The following GSG1L variants were observed in gnomAD, a reference collection of about 807,000 sequenced individuals.
The protein encoded by GSG1L is GSG1 like.
In GSG1L, 24 loss-of-function variants were observed where a neutral mutation model predicts 42.1. That is an observed-to-expected ratio of 0.57 (90% confidence interval 0.41 to 0.80). The LOEUF is 0.80. Ranked by LOEUF, GSG1L falls within the 30% of genes least tolerant of loss-of-function variation. GSG1L has a pLI of 0.00. For synonymous variants in GSG1L, 215 were observed against 203.5 expected (o/e 1.06, Z -0.48); for missense variants, 445 against 472.2 (o/e 0.94, Z 0.53).
At chr16:27,855,406 C>T (rs908591131) in intron 3 of GSG1L, among the ~76,000 whole-genome samples, 5 of 152,112 alleles carry the variant, frequency 3.3e-5, no homozygotes, top group African/African-American at 4.8e-5. Flanking sequence ...AAGCCTGACA[C>T]GGCGCTAAGG....
intron 2 of GSG1L, among the ~76,000 whole-genome samples, chr16:27,943,043 TTTTGTTTGTTTG>T (rs533456550): frequency 1.3e-5 from 2 of 151,966 alleles, no homozygotes; most frequent in Non-Finnish European, 2.9e-5. Context: ...TGCAGAGTGG[TTTTGTTTGTTTG>T]TTTGTTTGTT....
chr16:27,944,857 T>C (rs759273014), intron 2 of GSG1L, among the ~76,000 whole-genome samples: 17 of 151,950 alleles, frequency 1.1e-4, no homozygotes, highest in Admixed American at 8.5e-4. Context: ...AGAGGATCAC[T>C]TGAGTCCAGA....
chr16:27,796,680 G>A (rs2082821055), intron 6 of GSG1L, among the ~76,000 whole-genome samples: 1 of 152,228 alleles, frequency 6.6e-6, no homozygotes, highest in Admixed American at 6.5e-5. Flanking sequence ...CAGGCGGGCT[G>A]TTTTAGGAGA....
intron 2 of GSG1L, among the ~76,000 whole-genome samples, chr16:27,956,822 A>G (rs2085010912): frequency 6.6e-6 from 1 of 152,160 alleles, no homozygotes; most frequent in African/African-American, 2.4e-5. Flanking sequence ...AACTGTGTGA[A>G]TGCCACTGAG....
At chr16:27,872,899 C>CAT (rs1020040174) in intron 3 of GSG1L, among the ~76,000 whole-genome samples, 3 of 152,176 alleles carry the variant, frequency 2.0e-5, no homozygotes, top group Non-Finnish European at 4.4e-5. Flanking sequence ...CCTTGGTTTG[C>CAT]ATATAATCAG....
intron 2 of GSG1L, among the ~76,000 whole-genome samples, chr16:27,928,355 C>T (rs1490046273): frequency 6.6e-6 from 1 of 152,194 alleles, no homozygotes; most frequent in Non-Finnish European, 1.5e-5. Context: ...CTCTGCCCAG[C>T]TCCTCAGGAC....
At chr16:28,039,867 ACAG>A (rs968193336) in intron 1 of GSG1L, among the ~76,000 whole-genome samples, 2 of 152,164 alleles carry the variant, frequency 1.3e-5, no homozygotes, top group African/African-American at 4.8e-5. Flanking sequence ...TCCTTGGTCA[ACAG>A]CAGATCAGAA....
intron 2 of GSG1L, among the ~76,000 whole-genome samples, chr16:27,886,021 AC>A (rs1207159089): frequency 6.6e-6 from 1 of 152,102 alleles, no homozygotes; most frequent in African/African-American, 2.4e-5. Context: ...TTTGCAGCTG[AC>A]CCACATCTGG....
intron 1 of GSG1L, among the ~76,000 whole-genome samples, chr16:28,007,978 C>G (rs118091112): frequency 0.019 from 2,951 of 152,298 alleles, 38 homozygotes; most frequent in Non-Finnish European, 0.031. Context: ...AGTGAAAGTA[C>G]TATAGAAACT....
chr16:27,869,491 TTC>T (rs202144280), intron 3 of GSG1L, among the ~76,000 whole-genome samples: 9 of 132,168 alleles, frequency 6.8e-5, no homozygotes, highest in East Asian at 2.6e-4. Flanking sequence ...CTCTCTCTCC[TTC>T]TCTCTCTCTC....
At chr16:28,036,405 G>A (rs1051265571) in intron 1 of GSG1L, among the ~76,000 whole-genome samples, 1 of 152,210 alleles carries the variant, frequency 6.6e-6, no homozygotes, top group Non-Finnish European at 1.5e-5. Flanking sequence ...CCGACTGAAA[G>A]TTAATGATGC....
chr16:27,882,688 C>T (rs941613122), intron 3 of GSG1L, among the ~76,000 whole-genome samples: 2 of 152,196 alleles, frequency 1.3e-5, no homozygotes, highest in Non-Finnish European at 2.9e-5. Context: ...TCCCCATGCC[C>T]ACCCCACTCA....
chr16:27,999,374 C>T (rs1415920770), intron 1 of GSG1L, among the ~76,000 whole-genome samples: 2 of 152,206 alleles, frequency 1.3e-5, no homozygotes, highest in Middle Eastern at 3.4e-3. Context: ...ACCTGGGAGG[C>T]TTCAAGGGTT....
chr16:27,796,073 C>T (rs2082814749), intron 6 of GSG1L, among the ~76,000 whole-genome samples: 1 of 152,172 alleles, frequency 6.6e-6, no homozygotes, highest in Admixed American at 6.5e-5. Flanking sequence ...CTGCAGCTGG[C>T]AGAGTGAGGG....
At chr16:27,795,285 A>G (rs1034589434) in intron 6 of GSG1L, among the ~76,000 whole-genome samples, 3 of 152,116 alleles carry the variant, frequency 2.0e-5, no homozygotes, top group African/African-American at 4.8e-5. Context: ...TCTGTACAGT[A>G]TGAAAAGGGT....
At chr16:27,811,694 G>T (rs2083033131) in intron 5 of GSG1L, among the ~76,000 whole-genome samples, 1 of 152,232 alleles carries the variant, frequency 6.6e-6, no homozygotes, top group Non-Finnish European at 1.5e-5. Flanking sequence ...TGTCGCCCAG[G>T]CTGGCATGCA....
At chr16:27,812,101 A>T (rs1288303911) in intron 5 of GSG1L, among the ~76,000 whole-genome samples, 1 of 152,148 alleles carries the variant, frequency 6.6e-6, no homozygotes, top group Non-Finnish European at 1.5e-5. Context: ...GCCTGGCACA[A>T]TACCTTCCCT....
chr16:27,911,282 T>TCG (rs2141052722), intron 2 of GSG1L, among the ~76,000 whole-genome samples: 1 of 149,990 alleles, frequency 6.7e-6, no homozygotes, highest in South Asian at 2.1e-4. Context: ...TCTCTCTCTC[T>TCG]CTCTCTCTCT....
Position 28,002,202 on chromosome 16 carries a change from T to C in GSG1L, c.350-38999A>G, listed in dbSNP as rs187070485. On this transcript the variant is annotated intron_variant, in intron 1 of 6. Coordinates refer to ENST00000447459, the MANE Select transcript of GSG1L (RefSeq NM_001109763.2). ...ATGGTGATATGTGCCCTGAATAAAA[T>C]AAAACAGGATGCTGTGATGGAATAA... Among the ~76,000 whole-genome samples, 353 of 152,158 alleles carry C rather than the reference T, an allele frequency of 2.3e-3. 3 individuals are homozygous for C. Among genetic ancestry groups the C allele is most frequent in the African/African-American group, 8.2e-3 (339 of 41,532 alleles).
Sources: allele counts gnomAD v4.1 joint callset (sites outside exome capture counted in the v4.1 genomes callset), GRCh38; gene constraint gnomAD v4.1.1; transcripts MANE v1.5; gene names NCBI Gene and HGNC (gene_info 2026-07-23, HGNC 2026-07-21).